Variants in ALMS1 observed in about 807,000 individuals in gnomAD.
ALMS1 encodes the protein centrosome-associated protein ALMS1.
A neutral mutation model predicts 352.2 loss-of-function variants in ALMS1; 271 were observed. The ratio of observed to expected loss-of-function variants is 0.77; its 90% CI spans 0.70 to 0.85. The LOEUF is 0.85. ALMS1 is among the 40% of genes least tolerant of loss of function. The probability of loss-of-function intolerance (pLI) is 0.00; values close to 1 mark genes in which losing one functional copy is unlikely to be tolerated. For missense variants in ALMS1, 5,445 were observed against 4,870.7 expected, an observed-to-expected ratio of 1.12 and a Z score of -3.51; for synonymous variants, 1,865 against 1,761.2, an observed-to-expected ratio of 1.06 and a Z score of -1.48.
rs1057523614 is a variant in ALMS1, at chr2:73,450,217, G to A, written c.3690G>A (p.Gly1230=). Residue 1230 remains glycine, a synonymous_variant, in exon 8 of 23, where the codon GGG becomes GGA. Transcript: ENST00000613296. ...PVLGPADQKT[G]TPTPTSASYS... is the part of the protein sequence containing the mutation. The stretch of plus-strand genomic sequence containing the variant: ...TTGGACCAGCTGACCAGAAGACTGG[G>A]ACACCAACTCCAACCTCTGCTTCTT... 3.7e-6 allele frequency: 6 copies of A among 1,613,924 alleles called. No individual in the cohort carries two copies. Among genetic ancestry groups the A allele is most frequent in the Non-Finnish European group, 5.1e-6 (6 of 1,179,942 alleles).
In ALMS1 at chr2:73,452,425, AGTTTCACCT is replaced by A. The variant is rs1060500042; in HGVS notation, c.5904_5912del (p.Pro1969_Ser1971del). ...GTCATCTCACAGAAGAGGCTCTGAA[AGTTTCACCT>A]GTTTCTATACCAGCAGAGCAGAAGA... On this transcript the variant is annotated inframe_deletion, in exon 8 of 23. Transcript: ENST00000613296. 1.9e-6 allele frequency: 3 copies of A among 1,614,086 alleles called. No individual in the cohort carries two copies.
At chr2:73,395,024 ATGTGTATATATATGTG>A (rs1325291658) in intron 1 of ALMS1, among the ~76,000 whole-genome samples, 2 of 139,332 alleles carry the variant, frequency 1.4e-5, no homozygotes, top group Non-Finnish European at 3.1e-5. Context: ...GTGTATATAT[ATGTGTATATATATGTG>A]TGTGTATATA....
chr2:73,534,025 A>G (rs747764282), intron 11 of ALMS1, among the ~76,000 whole-genome samples: 9 of 152,208 alleles, frequency 5.9e-5, no homozygotes, highest in African/African-American at 2.2e-4. Flanking sequence ...TGCATTTTCA[A>G]CATTAGGCTA....
At chr2:73,437,758 G>A (rs773475304) in intron 7 of ALMS1, among the ~76,000 whole-genome samples, 1 of 152,054 alleles carries the variant, frequency 6.6e-6, no homozygotes, top group Non-Finnish European at 1.5e-5. Flanking sequence ...CTGAAACTGC[G>A]AGGTCCTCAA....
chr2:73,564,206 C>T (rs975483583), intron 15 of ALMS1, among the ~76,000 whole-genome samples: 1 of 151,962 alleles, frequency 6.6e-6, no homozygotes, highest in Admixed American at 6.5e-5. Flanking sequence ...TGGCTCATGT[C>T]TATAATCCCA....
intron 10 of ALMS1, among the ~76,000 whole-genome samples, chr2:73,498,601 ACT>A (rs1406761351): frequency 3.3e-5 from 5 of 150,856 alleles, no homozygotes; most frequent in Non-Finnish European, 7.4e-5. Flanking sequence ...CCATCCTTCT[ACT>A]CTCTATGTCC....
At chr2:73,423,444 T>C (rs1671320637) in intron 4 of ALMS1, among the ~76,000 whole-genome samples, 1 of 152,232 alleles carries the variant, frequency 6.6e-6, no homozygotes, top group Admixed American at 6.5e-5. Context: ...AGAAGATTTT[T>C]ATGAACAGAC....
rs1672982397 is a variant in ALMS1, at chr2:73,491,368, A to G, written c.9409A>G (p.Thr3137Ala). Residue 3137 changes from threonine to alanine, a missense_variant, in exon 10 of 23, where the codon ACT becomes GCT. Transcript: ENST00000613296. ...ACAGCCTTCTCTTCCAGACAGTAACACTATTACTCAGGACTTGAAAACCAT... is the reference window on the plus strand; with the variant it reads ...ACAGCCTTCTCTTCCAGACAGTAACGCTATTACTCAGGACTTGAAAACCAT... ...VVQPSLPDSN[T>A]ITQDLKTIPS... is the part of the protein sequence containing the mutation. The G allele has an allele frequency of 1.2e-6, 2 of 1,614,132 alleles. No individual in the cohort carries two copies.
At chr2:73,588,962 G>C (rs200319281) in intron 16 of ALMS1, among the ~76,000 whole-genome samples, 2 of 151,988 alleles carry the variant, frequency 1.3e-5, no homozygotes, top group East Asian at 3.9e-4. Context: ...AAAGAGTTAA[G>C]ATATAAAACT....
intron 1 of ALMS1, among the ~76,000 whole-genome samples, chr2:73,406,602 G>A (rs1030824184): frequency 6.6e-6 from 1 of 151,912 alleles, no homozygotes; most frequent in Non-Finnish European, 1.5e-5. Context: ...GTTACCATGA[G>A]AATATCATAA....
chr2:73,573,073 C>T lies in ALMS1; in HGVS notation c.11196C>T (p.Asn3732=), dbSNP rs1266526654. 6.2e-7 allele frequency: 1 copy of T among 1,613,894 alleles called. No homozygotes were observed. Among genetic ancestry groups the T allele is most frequent in the African/African-American group, 1.3e-5 (1 of 74,906 alleles). The change falls in exon 16 of 23, where the codon AAC becomes AAT. Residue 3732 remains asparagine, a synonymous_variant. Transcript: ENST00000613296. ...SKQPGFNYIS[N]TSSDCRPSEE... is the part of the protein sequence containing the mutation. ...AGCCAGGTTTTAATTATATAAGCAA[C>T]ACTTCTTCGGATTGTCGGCCCTCAG...
intron 15 of ALMS1, among the ~76,000 whole-genome samples, chr2:73,560,480 A>G (rs1028855523): frequency 6.6e-6 from 1 of 152,240 alleles, no homozygotes; most frequent in African/African-American, 2.4e-5. Context: ...GGAAAATATT[A>G]TGGAGGTTCC....
intron 9 of ALMS1, chr2:73,469,821 G>A (rs1672431853): frequency 6.6e-6 from 1 of 151,686 alleles, no homozygotes; most frequent in African/African-American, 2.4e-5. Flanking sequence ...GAATTCACAT[G>A]TTTATTTTAA....
At chr2:73,526,901 G>A (rs1478789551) in intron 11 of ALMS1, among the ~76,000 whole-genome samples, 2 of 152,142 alleles carry the variant, frequency 1.3e-5, no homozygotes, top group African/African-American at 4.8e-5. Context: ...GATACTAGCT[G>A]TGGGTCTGTC....
chr2:73,489,848 C>T lies in ALMS1; in HGVS notation c.7889C>T (p.Ser2630Phe), dbSNP rs759282988. 2 of 1,614,192 alleles carry T rather than the reference C, an allele frequency of 1.2e-6. No individual in the cohort carries two copies. The highest frequency in any genetic ancestry group is 1.3e-5 in the African/African-American group (1 of 75,046). ...TGCAGAGCCAAGCATGTCAACCTTTCTGCATCCTTAGACCAGAACAACTCC... is the reference window on the plus strand; with the variant it reads ...TGCAGAGCCAAGCATGTCAACCTTTTTGCATCCTTAGACCAGAACAACTCC... ...SSCRAKHVNL[S>F]ASLDQNNSHF... is the part of the protein sequence containing the mutation. The change falls in exon 10 of 23, where the codon TCT (serine) becomes TTT (phenylalanine). Residue 2630 changes from serine (S) to phenylalanine (F), a missense_variant. Physicochemically the swap from Ser to Phe is radical, Grantham distance 155. Coordinates refer to ENST00000613296, the MANE Select transcript of ALMS1 (RefSeq NM_001378454.1).
intron 15 of ALMS1, among the ~76,000 whole-genome samples, chr2:73,564,702 C>T (rs993613098): frequency 2.6e-4 from 40 of 151,996 alleles, no homozygotes; most frequent in African/African-American, 7.2e-4. Flanking sequence ...ACTTAGGGCC[C>T]GCCCATAATG....
intron 10 of ALMS1, among the ~76,000 whole-genome samples, chr2:73,517,192 A>G (rs1192475530): frequency 7.1e-6 from 1 of 141,366 alleles, no homozygotes; most frequent in African/African-American, 2.8e-5. Flanking sequence ...ACAATATGAC[A>G]TTATTCTCTT....
intron 2 of ALMS1, among the ~76,000 whole-genome samples, chr2:73,416,707 A>G (rs1386038875): frequency 6.6e-6 from 1 of 152,242 alleles, no homozygotes; most frequent in East Asian, 1.9e-4. Flanking sequence ...AATACTTACA[A>G]AATAATGAAA....
intron 8 of ALMS1, chr2:73,454,387 G>T (rs917472439): frequency 2.1e-5 from 21 of 984,062 alleles, no homozygotes; most frequent in Non-Finnish European, 2.5e-5. Flanking sequence ...AGGTCGCTTG[G>T]GCTCCTGAGC....
Sources: gnomAD v4.1 joint callset for allele counts (sites outside exome capture counted in the v4.1 genomes callset) on GRCh38, gnomAD v4.1.1 for gene constraint, MANE v1.5 for transcripts, NCBI Gene and HGNC (gene_info 2026-07-23, HGNC 2026-07-21) for gene names.